MAPK13: variants seen among roughly 807,000 people sequenced by gnomAD.
The protein encoded by MAPK13 is mitogen-activated protein kinase 13, also known as MAP kinase 13.
In MAPK13, 39 loss-of-function variants were observed where a neutral mutation model predicts 53.5. That is an observed-to-expected ratio of 0.73 (90% CI 0.56 to 0.95). The LOEUF (loss-of-function observed/expected upper bound fraction) is 0.95, where lower values mean the gene tolerates loss of function less well. Among genes scored for constraint, MAPK13 ranks in the 40% least tolerant of loss-of-function variants. The pLI is 0.00. For synonymous variants in MAPK13, 179 were observed against 190.9 expected, an observed-to-expected ratio of 0.94 and a Z score of 0.51; for missense variants, 460 against 471.8, an observed-to-expected ratio of 0.98 and a Z score of 0.23.
chr6:36,139,382 C>A lies in MAPK13; in HGVS notation c.*9C>A. 1.2e-6 allele frequency: 2 copies of A among 1,613,422 alleles called. No homozygotes were observed. The highest frequency in any genetic ancestry group is 1.7e-6 in the Non-Finnish European group (2 of 1,179,410). ...GTGGCATGAAGCTGTAGGGACTCATCTTGCATGGCACCGCCGGCCAGACAC... is the reference window on the plus strand; with the variant it reads ...GTGGCATGAAGCTGTAGGGACTCATATTGCATGGCACCGCCGGCCAGACAC... On this transcript the variant is annotated 3_prime_UTR_variant, in exon 12 of 12. Transcript: ENST00000211287.
rs746162553 is a variant in MAPK13 at position 36,138,941 on chromosome 6, G to A, written c.904G>A (p.Ala302Thr). The A allele has an allele frequency of 2.9e-5, 47 of 1,613,438 alleles. No homozygotes were observed. Among genetic ancestry groups the A allele is most frequent in the Admixed American group, 2.0e-4 (12 of 59,832 alleles). Residue 302 changes from alanine to threonine, a missense_variant, in exon 11 of 12, where the codon GCC becomes ACC. Coordinates refer to ENST00000211287, the MANE Select transcript of MAPK13 (RefSeq NM_002754.5). ...GGACAAGCGCCTGACGGCCGCGCAG[G>A]CCCTCACCCATCCCTTCTTTGAACC... ...DVDKRLTAAQ[A>T]LTHPFFEPFR...
At chr6:36,139,242 T>C in intron 11 of MAPK13, 52 bp from the exon 12 acceptor site, 4 of 1,561,182 alleles carry the variant, frequency 2.6e-6, no homozygotes, top group Non-Finnish European at 3.5e-6. Flanking sequence ...GGGGGTGGAC[T>C]TTCTCGCCAC....
At position 36,139,648 on chromosome 6, in the gene MAPK13, C is replaced by T. The variant is rs956442234; in HGVS notation, c.*275C>T. On this transcript the variant is annotated 3_prime_UTR_variant, in exon 12 of 12. Transcript: ENST00000211287. ...CCGCCAGAGTGGGGCTGAGTGGGCG[C>T]TGAGCCAGGCCGGGGGCCTATGGCA... 2 of 462,688 alleles carry T rather than the reference C, an allele frequency of 4.3e-6. No homozygotes were observed. The highest frequency in any genetic ancestry group is 4.0e-5 in the African/African-American group (2 of 50,198). The allele number at this position is 462,688 out of a possible 1,614,324, so 28.7% of individuals were successfully genotyped here. A position where few individuals can be genotyped will look rare whatever the true frequency, so the allele number is the denominator to read the frequency against.
chr6:36,136,960 G>T lies in MAPK13; in HGVS notation c.682+10G>T. The T allele has an allele frequency of 6.2e-7, 1 of 1,612,192 alleles. No individual in the cohort carries two copies. The highest frequency in any genetic ancestry group is 8.5e-7 in the Non-Finnish European group (1 of 1,179,144). On this transcript the variant is annotated intron_variant, in intron 8 of 11. Coordinates refer to ENST00000211287, the MANE Select transcript of MAPK13 (RefSeq NM_002754.5). ...TTCAAGGGGAAAGATTGTATCCTTT[G>T]CTGGAAAAGCCAAACTCCATCTAGG...
chr6:36,133,612 CACTTT>C (rs1181902669), intron 3 of MAPK13, among the ~76,000 whole-genome samples: 3 of 152,196 alleles, frequency 2.0e-5, no homozygotes, highest in Non-Finnish European at 2.9e-5. Flanking sequence ...CCATTTTGGA[CACTTT>C]ACTTTTAAAG....
At chr6:36,137,996 T>C (rs953960662) in intron 8 of MAPK13, among the ~76,000 whole-genome samples, 8 of 134,436 alleles carry the variant, frequency 6.0e-5, no homozygotes, top group African/African-American at 1.7e-4. Context: ...ATAAGCAAAA[T>C]GATGAAAAAT....
intron 9 of MAPK13, 65 bp downstream of exon 9, chr6:36,138,509 C>A: frequency 6.6e-7 from 1 of 1,512,534 alleles, no homozygotes; most frequent in Admixed American, 1.8e-5. Flanking sequence ...GCCCAGTGGG[C>A]TGCAGGCCTT....
intron 2 of MAPK13, 143 bp downstream of exon 2, chr6:36,131,543 G>A: frequency 1.2e-6 from 1 of 815,116 alleles, no homozygotes; most frequent in Non-Finnish European, 1.9e-6. Context: ...ACTATTGAAA[G>A]GAGGGGGTGC....
chr6:36,131,983 A>T (rs2859141), intron 2 of MAPK13, among the ~76,000 whole-genome samples: 2 of 152,122 alleles, frequency 1.3e-5, no homozygotes, highest in Non-Finnish European at 2.9e-5. Flanking sequence ...TGTCTGATAG[A>T]AGCAGCTGGG....
rs1766304765 is a variant in MAPK13, at chr6:36,130,885, T to G, written c.119+184T>G. ...TCACCGAGTGGCTGAGTGAGGTCTC[T>G]GGGGGTTGAGTTGGGACTGGGCCTG... On this transcript the variant is annotated intron_variant, in intron 1 of 11. Coordinates refer to ENST00000211287, the MANE Select transcript of MAPK13 (RefSeq NM_002754.5). The surrounding 1 kb of genome is among the most constrained non-coding windows in gnomAD (Gnocchi z 4.5). 5 of 514,454 alleles carry G rather than the reference T, an allele frequency of 9.7e-6. No individual in the cohort carries two copies. The Admixed American group carries it at 1.9e-4, about 19-fold the overall frequency. The allele number at this position is 514,454 out of a possible 1,614,324, so 31.9% of individuals were successfully genotyped here.
At position 36,144,368 on chromosome 6, in the gene MAPK13, C is replaced by T. The variant is rs1488255793; in HGVS notation, c.*4995C>T. On this transcript the variant is annotated 3_prime_UTR_variant, in exon 12 of 12. Transcript: ENST00000211287. ...TAAACTGAAGAGAGATGAGTGTAAACAATATTTTAAGATAGATACCTGTGG... is the reference window on the plus strand; with the variant it reads ...TAAACTGAAGAGAGATGAGTGTAAATAATATTTTAAGATAGATACCTGTGG... 1 of 24,548 alleles carries T rather than the reference C, an allele frequency of 4.1e-5. No homozygotes were observed. The highest frequency in any genetic ancestry group is 2.2e-4 in the African/African-American group (1 of 4,628). The allele number at this position is 24,548 out of a possible 1,614,324, so 1.5% of individuals were successfully genotyped here. A position where few individuals can be genotyped will look rare whatever the true frequency, so the allele number is the denominator to read the frequency against.
At chr6:36,135,026 GAA>G (rs928106926) in intron 3 of MAPK13, among the ~76,000 whole-genome samples, 1 of 152,202 alleles carries the variant, frequency 6.6e-6, no homozygotes, top group Non-Finnish European at 1.5e-5. Context: ...AAGAAAAAAA[GAA>G]AGGAAGAAAG....
chr6:36,142,033 A>C lies in MAPK13; in HGVS notation c.*2660A>C, dbSNP rs2127488208. 1 of 152,508 alleles carries C rather than the reference A, an allele frequency of 6.6e-6. No individual in the cohort carries two copies. The highest frequency in any genetic ancestry group is 1.9e-4 in the East Asian group (1 of 5,192). The allele number at this position is 152,508 out of a possible 1,614,324, so 9.4% of individuals were successfully genotyped here. On this transcript the variant is annotated 3_prime_UTR_variant, in exon 12 of 12. Coordinates refer to ENST00000211287, the MANE Select transcript of MAPK13 (RefSeq NM_002754.5). This position sits in a 1 kb window ranked among gnomAD's most constrained non-coding sequence, Gnocchi z 4.4. Reference sequence around the variant, plus strand: ...AGAATTCTCACTGCCCCAAGGAAAAAGTCTAGCCTTCCTTCTTGGCCTGGC... The same window carrying C: ...AGAATTCTCACTGCCCCAAGGAAAACGTCTAGCCTTCCTTCTTGGCCTGGC...
intron 4 of MAPK13, 76 bp from the exon 5 acceptor site, chr6:36,135,943 G>A: frequency 6.2e-7 from 1 of 1,603,344 alleles, no homozygotes; most frequent in Admixed American, 1.7e-5. Context: ...GGAGCGCACT[G>A]TTACAGGTCG....
intron 4 of MAPK13, 55 bp from the exon 5 acceptor site, chr6:36,135,964 A>T: frequency 6.2e-7 from 1 of 1,611,086 alleles, no homozygotes. Flanking sequence ...GCCAGCCTGA[A>T]GTGCCTGGTG....
At position 36,130,822 on chromosome 6, in the gene MAPK13, G is replaced by A. The variant is rs772629486; in HGVS notation, c.119+121G>A. The A allele has an allele frequency of 1.3e-5, 7 of 546,354 alleles. No homozygotes were observed. Among genetic ancestry groups the A allele is most frequent in the Non-Finnish European group, 2.2e-5 (7 of 315,328 alleles). The allele number at this position is 546,354 out of a possible 1,614,324, so 33.8% of individuals were successfully genotyped here. On this transcript the variant is annotated intron_variant, in intron 1 of 11. Transcript: ENST00000211287. The surrounding 1 kb of genome is among the most constrained non-coding windows in gnomAD (Gnocchi z 4.5). Reference sequence around the variant, plus strand: ...TTGACCGCGGACCTCAAGGCCCAGCGCCCTCCCCGGGGCCACCCAGCGGCC... The same window carrying A: ...TTGACCGCGGACCTCAAGGCCCAGCACCCTCCCCGGGGCCACCCAGCGGCC...
At position 36,131,313 on chromosome 6, in the gene MAPK13, G is replaced by A; in HGVS notation, c.162G>A (p.Lys54=). 1 of 1,613,918 alleles carries A rather than the reference G, an allele frequency of 6.2e-7. No homozygotes were observed. The highest frequency in any genetic ancestry group is 8.5e-7 in the Non-Finnish European group (1 of 1,179,936). The change falls in exon 2 of 12, where the codon AAG becomes AAA. Residue 54 remains lysine, a synonymous_variant. Transcript: ENST00000211287. The part of the protein sequence containing the change: ...DKRSGEKVAI[K]KLSRPFQSEI... ...GGTCAGGGGAGAAGGTGGCCATCAA[G>A]AAGCTGAGCCGACCCTTTCAGTCCG... is the stretch of plus-strand genomic sequence containing the variant.
intron 4 of MAPK13, 50 bp from the exon 5 acceptor site, chr6:36,135,969 C>T (rs1405932422): frequency 1.2e-6 from 2 of 1,612,564 alleles, no homozygotes; most frequent in Admixed American, 1.7e-5. Flanking sequence ...CCTGAAGTGC[C>T]TGGTGTGGAA....
At position 36,131,171 on chromosome 6, in the gene MAPK13, T is replaced by G. The variant is rs1766312112; in HGVS notation, c.120-100T>G. 2.9e-6 allele frequency: 4 copies of G among 1,400,616 alleles called. No individual in the cohort carries two copies. In the East Asian group the frequency reaches 9.5e-5, roughly 33 times the overall value. The allele number at this position is 1,400,616 out of a possible 1,614,324, so 86.8% of individuals were successfully genotyped here. A position where few individuals can be genotyped will look rare whatever the true frequency, so the allele number is the denominator to read the frequency against. On this transcript the variant is annotated intron_variant, in intron 1 of 11. Coordinates refer to ENST00000211287, the MANE Select transcript of MAPK13 (RefSeq NM_002754.5). ...CCCATATTCTAGGTGGTGGGCCTAG[T>G]CCCCTCTCAGCCCAGCTGCCCAGTG... is the stretch of plus-strand genomic sequence containing the variant.
Sources: gnomAD v4.1 joint callset for allele counts (sites outside exome capture counted in the v4.1 genomes callset) on GRCh38, gnomAD v4.1.1 for gene constraint, Gnocchi (gnomAD v3.1) non-coding constraint, MANE v1.5 for transcripts, NCBI Gene and HGNC (gene_info 2026-07-23, HGNC 2026-07-21) for gene names.